The following CNTNAP2 variants were observed in gnomAD, a reference collection of about 807,000 sequenced individuals.
CNTNAP2 encodes the protein contactin-associated protein-like 2.
In CNTNAP2, 98 loss-of-function variants were observed where a neutral mutation model predicts 155.2. That is an observed-to-expected ratio of 0.63 (90% CI 0.54 to 0.75). The LOEUF is 0.75. Among genes scored for constraint, CNTNAP2 ranks in the 30% least tolerant of loss-of-function variants. The pLI is 0.00. For synonymous variants in CNTNAP2, 651 were observed against 631.2 expected, an observed-to-expected ratio of 1.03 and a Z score of -0.47; for missense variants, 1,727 against 1,688.1, an observed-to-expected ratio of 1.02 and a Z score of -0.40.
At chr7:146,912,349 A>G (rs916447764) in intron 3 of CNTNAP2, among the ~76,000 whole-genome samples, 18 of 151,634 alleles carry the variant, frequency 1.2e-4, no homozygotes, top group Non-Finnish European at 2.5e-4. Flanking sequence ...ATTTTTCTCA[A>G]ACATGCATAC....
At chr7:146,955,259 C>T (rs1392057044) in intron 3 of CNTNAP2, among the ~76,000 whole-genome samples, 1 of 151,994 alleles carries the variant, frequency 6.6e-6, no homozygotes, top group Non-Finnish European at 1.5e-5. Context: ...TAGCTGATAA[C>T]ATTCATCTTC....
chr7:148,274,551 C>T (rs1796837944), intron 21 of CNTNAP2, among the ~76,000 whole-genome samples: 1 of 152,202 alleles, frequency 6.6e-6, no homozygotes, highest in African/African-American at 2.4e-5. Context: ...TCTGAGTTCA[C>T]ACAAAACCTG....
chr7:146,730,163 C>T (rs1380324723), intron 1 of CNTNAP2, among the ~76,000 whole-genome samples: 3 of 152,114 alleles, frequency 2.0e-5, no homozygotes, highest in Admixed American at 2.0e-4. Context: ...AAGAAACATA[C>T]TGAGACTTTG....
chr7:147,729,439 C>CAT (rs749709027), intron 13 of CNTNAP2, among the ~76,000 whole-genome samples: 1 of 63,518 alleles, frequency 1.6e-5, no homozygotes, highest in Non-Finnish European at 3.0e-5. Flanking sequence ...CACACACACA[C>CAT]ACACACACAG....
chr7:147,718,958 A>T (rs990195678), intron 13 of CNTNAP2, among the ~76,000 whole-genome samples: 1 of 152,098 alleles, frequency 6.6e-6, no homozygotes, highest in African/African-American at 2.4e-5. Context: ...TCCTTTAAGG[A>T]TTTTCAAAGA....
At chr7:148,209,192 G>T (rs758499651) in intron 18 of CNTNAP2, among the ~76,000 whole-genome samples, 13 of 152,062 alleles carry the variant, frequency 8.5e-5, no homozygotes, top group African/African-American at 2.9e-4. Context: ...ATGGTGCCAT[G>T]ATGGGTCCTT....
chr7:146,569,299 G>C (rs897395988), intron 1 of CNTNAP2, among the ~76,000 whole-genome samples: 2 of 152,120 alleles, frequency 1.3e-5, no homozygotes, highest in Admixed American at 1.3e-4. Context: ...GATTACAGGC[G>C]TGAGCCGCCG....
At chr7:146,761,970 G>T (rs564479100) in intron 1 of CNTNAP2, among the ~76,000 whole-genome samples, 1 of 152,136 alleles carries the variant, frequency 6.6e-6, no homozygotes, top group Non-Finnish European at 1.5e-5. Context: ...ATTTAAGAAA[G>T]ATATAGTTAA....
chr7:147,665,643 G>A (rs1795680910), intron 13 of CNTNAP2, among the ~76,000 whole-genome samples: 1 of 151,666 alleles, frequency 6.6e-6, no homozygotes, highest in Admixed American at 6.8e-5. Context: ...CCCTCTGAGA[G>A]GCCCCAGTGT....
At chr7:147,296,186 T>G (rs1356904880) in intron 8 of CNTNAP2, among the ~76,000 whole-genome samples, 1 of 152,186 alleles carries the variant, frequency 6.6e-6, no homozygotes, top group East Asian at 1.9e-4. Flanking sequence ...CGTTGATATC[T>G]TTGAGATCCA....
intron 17 of CNTNAP2, among the ~76,000 whole-genome samples, chr7:148,161,803 T>G (rs1805549289): frequency 6.6e-6 from 1 of 152,270 alleles, no homozygotes; most frequent in South Asian, 2.1e-4. Flanking sequence ...CACTGTGCCC[T>G]CCTTGAAATC....
intron 13 of CNTNAP2, among the ~76,000 whole-genome samples, chr7:147,902,796 G>GTGTGTA (rs1476805052): frequency 7.3e-6 from 1 of 137,818 alleles, no homozygotes; most frequent in East Asian, 2.4e-4. Flanking sequence ...GTGTGTGTGT[G>GTGTGTA]TGTGTGTGTG....
At chr7:147,294,473 C>G (rs1805384092) in intron 8 of CNTNAP2, among the ~76,000 whole-genome samples, 1 of 152,154 alleles carries the variant, frequency 6.6e-6, no homozygotes, top group Non-Finnish European at 1.5e-5. Flanking sequence ...TCCCATATCA[C>G]TGTATATGTT....
In CNTNAP2 at chr7:148,415,545, G is replaced by A. The variant is rs530757880; in HGVS notation, c.3925G>A (p.Ala1309Thr). 2.7e-5 allele frequency: 43 copies of A among 1,614,102 alleles called. 1 individual carries two copies. In the Admixed American group the frequency reaches 3.5e-4, roughly 13 times the overall value. ...KGAESAESADAAIMNNDPNFT... is the reference protein window; with the variant it reads ...KGAESAESADTAIMNNDPNFT... ...GGCGGAGTCGGCAGAGAGCGCGGAC[G>A]CCGCCATCATGAACAACGACCCCAA... Residue 1309 changes from alanine (A) to threonine (T), a missense_variant, in exon 24 of 24, where the codon GCC becomes ACC. Ala to Thr is a moderately conservative substitution (Grantham distance 58). Coordinates refer to ENST00000361727, the MANE Select transcript of CNTNAP2 (RefSeq NM_014141.6).
At chr7:147,508,918 C>T (rs1408718817) in intron 11 of CNTNAP2, among the ~76,000 whole-genome samples, 5 of 152,154 alleles carry the variant, frequency 3.3e-5, no homozygotes, top group Non-Finnish European at 5.9e-5. Flanking sequence ...GATATTTCTT[C>T]ATAGCAGTAT....
intron 13 of CNTNAP2, among the ~76,000 whole-genome samples, chr7:147,826,211 G>A (rs1032687062): frequency 6.6e-6 from 1 of 152,128 alleles, no homozygotes; most frequent in Non-Finnish European, 1.5e-5. Context: ...TTTTAACAGT[G>A]ATAGGGAAAA....
chr7:147,066,150 C>T (rs1799776047), intron 4 of CNTNAP2, among the ~76,000 whole-genome samples: 1 of 152,120 alleles, frequency 6.6e-6, no homozygotes, highest in South Asian at 2.1e-4. Flanking sequence ...TCACACTGAC[C>T]TATTATTTAA....
chr7:146,750,534 A>G (rs1801885335), intron 1 of CNTNAP2, among the ~76,000 whole-genome samples: 1 of 152,156 alleles, frequency 6.6e-6, no homozygotes, highest in Non-Finnish European at 1.5e-5. Context: ...CCTTTAATAA[A>G]GATCAGATGC....
rs2116749762 is a variant in CNTNAP2, at chr7:147,543,725, C to T, written c.1778-18413C>T. Among the ~76,000 whole-genome samples, 3 of 152,210 alleles carry T rather than the reference C, an allele frequency of 2.0e-5. No homozygotes were observed. In the South Asian group the frequency reaches 6.2e-4, roughly 32 times the overall value. The stretch of plus-strand genomic sequence containing the variant: ...TGACAGAATTTATATGAAGCTTAAC[C>T]CTCACTGTTTGGGTATATCCATCTC... On this transcript the variant is annotated intron_variant, in intron 11 of 23. Coordinates refer to ENST00000361727, the MANE Select transcript of CNTNAP2 (RefSeq NM_014141.6).
Sources: gnomAD v4.1 joint callset for allele counts (sites outside exome capture counted in the v4.1 genomes callset) on GRCh38, gnomAD v4.1.1 for gene constraint, MANE v1.5 for transcripts, NCBI Gene and HGNC (gene_info 2026-07-23, HGNC 2026-07-21) for gene names.